FBLN2: variants seen among roughly 807,000 people sequenced by gnomAD.
The protein encoded by FBLN2 is fibulin 2.
FBLN2 carries 81 observed loss-of-function variants against 123.7 expected under a neutral mutation model. The observed-to-expected ratio is 0.65, with a 90% CI of 0.55 to 0.79. The LOEUF is 0.79. Among genes scored for constraint, FBLN2 ranks in the 30% least tolerant of loss-of-function variants. The probability of loss-of-function intolerance (pLI) is 0.00; values close to 1 mark genes in which losing one functional copy is unlikely to be tolerated. For missense variants in FBLN2, 1,603 were observed against 1,681.3 expected, an observed-to-expected ratio of 0.95 and a Z score of 0.81; for synonymous variants, 699 against 701.4, an observed-to-expected ratio of 1.00 and a Z score of 0.05.
At chr3:13,604,957 C>T (rs560125148) in intron 2 of FBLN2, among the ~76,000 whole-genome samples, 4 of 152,238 alleles carry the variant, frequency 2.6e-5, no homozygotes, top group Admixed American at 6.5e-5. Flanking sequence ...TGTGCCCTTA[C>T]GTGAACTGCT....
At chr3:13,587,632 G>T (rs1292765726) in intron 2 of FBLN2, among the ~76,000 whole-genome samples, 1 of 152,178 alleles carries the variant, frequency 6.6e-6, no homozygotes, top group East Asian at 1.9e-4. Flanking sequence ...GGGAAGTGGG[G>T]GTCAGAGAGG....
intron 2 of FBLN2, among the ~76,000 whole-genome samples, chr3:13,579,194 C>T (rs550901391): frequency 6.6e-6 from 1 of 152,334 alleles, no homozygotes; most frequent in East Asian, 1.9e-4. Flanking sequence ...AATAGCATCT[C>T]ATCGTGGTTT....
At chr3:13,576,720 T>TC (rs111724365) in intron 2 of FBLN2, among the ~76,000 whole-genome samples, 23,397 of 135,712 alleles carry the variant, frequency 0.17, 2,901 homozygotes, top group African/African-American at 0.34. Context: ...GTCAGGGGGA[T>TC]CCCCCCCCCC....
At chr3:13,596,118 T>TTTTA (rs1704833535) in intron 2 of FBLN2, among the ~76,000 whole-genome samples, 3 of 152,358 alleles carry the variant, frequency 2.0e-5, no homozygotes, top group East Asian at 3.9e-4. Context: ...AACAGCTGCA[T>TTTTA]ACGATTAGAT....
chr3:13,636,392 A>G (rs1706469638), intron 16 of FBLN2, 53 bp from the exon 17 acceptor site: 1 of 1,599,394 alleles, frequency 6.3e-7, no homozygotes, highest in Admixed American at 1.7e-5. Context: ...GGGGAGTTTC[A>G]GGCTGGGTCC....
chr3:13,572,819 C>T (rs1704006865), intron 2 of FBLN2, among the ~76,000 whole-genome samples: 1 of 152,244 alleles, frequency 6.6e-6, no homozygotes, highest in African/African-American at 2.4e-5. Context: ...TGACCCCTTC[C>T]TGCTTACTTT....
intron 1 of FBLN2, chr3:13,568,594 C>T: frequency 5.4e-6 from 1 of 184,306 alleles, no homozygotes; most frequent in Non-Finnish European, 1.0e-5. Flanking sequence ...GGGGCCCTCT[C>T]TGTCCTTCAC....
intron 5 of FBLN2, among the ~76,000 whole-genome samples, chr3:13,617,587 CCAT>C (rs1705668459): frequency 1.1e-5 from 1 of 92,028 alleles, no homozygotes; most frequent in East Asian, 2.5e-4. Flanking sequence ...ACCCATCCAT[CCAT>C]CCATCCATCC....
intron 2 of FBLN2, among the ~76,000 whole-genome samples, chr3:13,576,184 T>C (rs959859991): frequency 2.0e-5 from 3 of 152,030 alleles, no homozygotes; most frequent in African/African-American, 7.2e-5. Flanking sequence ...ACTTGGGAGA[T>C]GGGAAAACAG....
At chr3:13,635,649 A>G (rs1706434879) in intron 16 of FBLN2, among the ~76,000 whole-genome samples, 1 of 151,798 alleles carries the variant, frequency 6.6e-6, no homozygotes, top group Admixed American at 6.6e-5. Context: ...CTCATGGGGG[A>G]CATTGACTCA....
In FBLN2 at chr3:13,593,449, C is replaced by T. The variant is rs533305238; in HGVS notation, c.1307-14613C>T. Among the ~76,000 whole-genome samples the T allele has an allele frequency of 3.9e-5, 6 of 152,248 alleles. No homozygotes were observed. In the South Asian group the frequency reaches 6.2e-4, roughly 16 times the overall value. ...GAAGGTAATTGGCTGGGCGCAGTGG[C>T]TCATACCTGTAATCCCAGCACTTTA... On this transcript the variant is annotated intron_variant, in intron 2 of 17. Coordinates refer to ENST00000404922, the MANE Select transcript of FBLN2 (RefSeq NM_001004019.2).
chr3:13,632,835 T>C (rs1450814544), intron 16 of FBLN2, among the ~76,000 whole-genome samples: 5 of 151,578 alleles, frequency 3.3e-5, no homozygotes, highest in Non-Finnish European at 5.9e-5. Context: ...AGCCCTCTTC[T>C]TGTTAATTAA....
At chr3:13,593,242 A>C (rs1468712015) in intron 2 of FBLN2, among the ~76,000 whole-genome samples, 1 of 152,208 alleles carries the variant, frequency 6.6e-6, no homozygotes, top group African/African-American at 2.4e-5. Context: ...TTGGATCTTC[A>C]TTGGAGTCCT....
chr3:13,594,470 G>A (rs1311276511), intron 2 of FBLN2, among the ~76,000 whole-genome samples: 1 of 152,206 alleles, frequency 6.6e-6, no homozygotes, highest in Admixed American at 6.5e-5. Flanking sequence ...GGGACCTGCA[G>A]CTTGGGCAGC....
At chr3:13,608,267 G>A in intron 3 of FBLN2, 94 bp downstream of exon 3, 1 of 838,264 alleles carries the variant, frequency 1.2e-6, no homozygotes, top group Non-Finnish European at 1.9e-6. Context: ...AGCCCGGAGA[G>A]AGTGCACCTT....
intron 1 of FBLN2, among the ~76,000 whole-genome samples, chr3:13,570,105 C>T (rs576698953): frequency 2.0e-5 from 3 of 152,240 alleles, no homozygotes; most frequent in African/African-American, 7.2e-5. Flanking sequence ...ACCTGTGGCG[C>T]CCAGCGACTA....
intron 1 of FBLN2, among the ~76,000 whole-genome samples, chr3:13,563,112 A>G (rs977475308): frequency 2.6e-5 from 4 of 152,240 alleles, no homozygotes; most frequent in African/African-American, 9.6e-5. Context: ...TTATTTTTAA[A>G]AAATTACTTT....
At chr3:13,591,952 T>TA (rs999408144) in intron 2 of FBLN2, among the ~76,000 whole-genome samples, 18 of 152,120 alleles carry the variant, frequency 1.2e-4, no homozygotes, top group Non-Finnish European at 2.9e-5. Flanking sequence ...CCTACTGCGT[T>TA]ACATTGTTAG....
Position 13,571,428 on chromosome 3 carries a change from A to G in FBLN2, c.1073A>G (p.His358Arg), listed in dbSNP as rs755089111. ...AGCACTGGGCCGGAGGGCGTGACGCATGCACCGAGCCTGGGCAAGGCTGCT... is the reference window on the plus strand; with the variant it reads ...AGCACTGGGCCGGAGGGCGTGACGCGTGCACCGAGCCTGGGCAAGGCTGCT... ...SRSTGPEGVT[H>R]APSLGKAALV... The change falls in exon 2 of 18, where the codon CAT (histidine) becomes CGT (arginine). Residue 358 changes from histidine (H) to arginine (R), a missense_variant. Transcript: ENST00000404922. 2.5e-5 allele frequency: 41 copies of G among 1,612,866 alleles called. No individual in the cohort carries two copies. The highest frequency in any genetic ancestry group is 3.4e-5 in the Non-Finnish European group (40 of 1,179,602).
Sources: gnomAD v4.1 joint callset for allele counts (sites outside exome capture counted in the v4.1 genomes callset) on GRCh38, gnomAD v4.1.1 for gene constraint, MANE v1.5 for transcripts, NCBI Gene and HGNC (gene_info 2026-07-23, HGNC 2026-07-21) for gene names.